ESRRG: variants seen among roughly 807,000 people sequenced by gnomAD.
ESRRG encodes the protein estrogen-related receptor gamma.
ESRRG carries 13 observed loss-of-function variants against 44.0 expected under a neutral mutation model. That is an observed-to-expected ratio of 0.30 (90% CI 0.19 to 0.47). The LOEUF is 0.47. Among genes scored for constraint, ESRRG ranks in the 20% least tolerant of loss-of-function variants. The pLI, the probability that ESRRG is intolerant of heterozygous loss-of-function variation, is 1.00. For synonymous variants in ESRRG, 215 were observed against 214.6 expected (o/e 1.00, Z -0.02); for missense variants, 395 against 580.6 (o/e 0.68, Z 3.29).
intron 1 of ESRRG, among the ~76,000 whole-genome samples, chr1:217,114,061 TA>T (rs1424970980): frequency 1.3e-5 from 2 of 152,062 alleles, no homozygotes; most frequent in Admixed American, 6.6e-5. Context: ...TGTTTATAGA[TA>T]AAACTCATCA....
intron 5 of ESRRG, among the ~76,000 whole-genome samples, chr1:216,529,771 A>G (rs1191665951): frequency 6.6e-6 from 1 of 152,170 alleles, no homozygotes; most frequent in Non-Finnish European, 1.5e-5. Context: ...AGGTGAAATG[A>G]ACTGCTTTTC....
At chr1:216,773,598 T>C (rs1217683316) in intron 2 of ESRRG, among the ~76,000 whole-genome samples, 1 of 152,092 alleles carries the variant, frequency 6.6e-6, no homozygotes, top group African/African-American at 2.4e-5. Flanking sequence ...TCAATAAATA[T>C]CCAAAAGATA....
chr1:217,071,260 A>C (rs1004934507), intron 1 of ESRRG, among the ~76,000 whole-genome samples: 5 of 152,196 alleles, frequency 3.3e-5, no homozygotes, highest in African/African-American at 7.2e-5. Flanking sequence ...AAAAAAACAA[A>C]AAACAAACAA....
intron 2 of ESRRG, among the ~76,000 whole-genome samples, chr1:216,786,009 A>G (rs1188047397): frequency 1.3e-5 from 2 of 152,102 alleles, no homozygotes; most frequent in African/African-American, 2.4e-5. Context: ...GAACAGTACA[A>G]TCAATGGAAT....
chr1:216,929,162 T>A (rs1046623250), intron 2 of ESRRG, among the ~76,000 whole-genome samples: 10 of 152,234 alleles, frequency 6.6e-5, no homozygotes, highest in African/African-American at 2.4e-4. Flanking sequence ...CAAGTTTGAA[T>A]GTGAATGTTC....
chr1:216,805,160 A>G (rs1419392791), intron 2 of ESRRG: 2 of 152,200 alleles, frequency 1.3e-5, no homozygotes, highest in Non-Finnish European at 2.9e-5. Context: ...TTTGTCTCTT[A>G]GATCAAATTC....
At chr1:216,772,946 C>G (rs1311168388) in intron 2 of ESRRG, among the ~76,000 whole-genome samples, 3 of 151,646 alleles carry the variant, frequency 2.0e-5, no homozygotes, top group Non-Finnish European at 4.4e-5. Context: ...TCTTAAACTA[C>G]CAGTTAGTTT....
rs903018992 is a variant in ESRRG, at chr1:216,745,019, G to C, written c.-13-67528C>G. 3.9e-5 allele frequency among the ~76,000 whole-genome samples: 6 copies of C among 152,188 alleles called. No individual in the cohort carries two copies. The South Asian group carries it at 1.2e-3, about 31-fold the overall frequency. On this transcript the variant is annotated intron_variant, in intron 2 of 7. Coordinates refer to the ESRRG transcript ENST00000359162. ...CAAGAAATTGCTGGCTGAGCCATGA[G>C]AGAACTCAGCCCAGGGTCTCAATTT...
chr1:216,606,933 T>G (rs922856889), intron 3 of ESRRG, among the ~76,000 whole-genome samples: 18 of 152,182 alleles, frequency 1.2e-4, no homozygotes, highest in Admixed American at 9.8e-4. Flanking sequence ...GGAAAAGATT[T>G]TCATCTGGTT....
intron 2 of ESRRG, among the ~76,000 whole-genome samples, chr1:216,832,118 G>A (rs1350505346): frequency 6.6e-6 from 1 of 152,124 alleles, no homozygotes; most frequent in Non-Finnish European, 1.5e-5. Context: ...TTATGAGCAA[G>A]CGCTACACAA....
chr1:216,844,964 C>A (rs185234103), intron 2 of ESRRG, among the ~76,000 whole-genome samples: 2 of 152,236 alleles, frequency 1.3e-5, no homozygotes, highest in East Asian at 1.9e-4. Context: ...ATGGCTAATT[C>A]TGCCTCATTA....
At chr1:216,883,104 G>T (rs559273128) in intron 2 of ESRRG, among the ~76,000 whole-genome samples, 16 of 152,228 alleles carry the variant, frequency 1.1e-4, no homozygotes, top group African/African-American at 3.4e-4. Flanking sequence ...CAGGCTGGGC[G>T]CAGTGGCTCA....
chr1:216,588,091 G>A (rs2056986377), intron 3 of ESRRG, among the ~76,000 whole-genome samples: 1 of 152,144 alleles, frequency 6.6e-6, no homozygotes, highest in African/African-American at 2.4e-5. Flanking sequence ...ACATTAACAT[G>A]TATTCCCCCT....
chr1:216,927,576 C>A (rs1285981699), intron 2 of ESRRG, among the ~76,000 whole-genome samples: 1 of 152,250 alleles, frequency 6.6e-6, no homozygotes, highest in Non-Finnish European at 1.5e-5. Flanking sequence ...AAAAGGCTAA[C>A]ACAATCTTAG....
chr1:216,857,467 C>T (rs994222633), intron 2 of ESRRG, among the ~76,000 whole-genome samples: 7 of 152,030 alleles, frequency 4.6e-5, no homozygotes, highest in African/African-American at 2.4e-5. Flanking sequence ...TTCAACACTC[C>T]TATTGCCTGC....
At chr1:216,616,456 G>C (rs2061440263) in intron 3 of ESRRG, among the ~76,000 whole-genome samples, 1 of 152,218 alleles carries the variant, frequency 6.6e-6, no homozygotes, top group Non-Finnish European at 1.5e-5. Flanking sequence ...TAGAAAGGTT[G>C]ATTTGTTTCC....
At chr1:217,071,691 T>C (rs2090584220) in intron 1 of ESRRG, among the ~76,000 whole-genome samples, 1 of 152,216 alleles carries the variant, frequency 6.6e-6, no homozygotes, top group African/African-American at 2.4e-5. Context: ...AAACCTCCAA[T>C]AATGTCTAAT....
intron 5 of ESRRG, among the ~76,000 whole-genome samples, chr1:216,544,593 C>T (rs1191770967): frequency 6.6e-6 from 1 of 151,992 alleles, no homozygotes; most frequent in African/African-American, 2.4e-5. Flanking sequence ...GTGGAATTCC[C>T]TTTAGCATCA....
At chr1:216,721,149 C>T (rs972982109) in intron 1 of ESRRG, among the ~76,000 whole-genome samples, 3 of 152,124 alleles carry the variant, frequency 2.0e-5, no homozygotes, top group Admixed American at 6.5e-5. Context: ...TGGCACATTT[C>T]CTAAAATAAA....
Sources: allele counts gnomAD v4.1 joint callset (sites outside exome capture counted in the v4.1 genomes callset), GRCh38; gene constraint gnomAD v4.1.1; transcripts MANE v1.5; gene names NCBI Gene and HGNC (gene_info 2026-07-23, HGNC 2026-07-21).